Variants in KIFC2 observed in about 807,000 individuals in gnomAD.
The protein encoded by KIFC2 is kinesin-like protein KIFC2.
A neutral mutation model predicts 91.5 loss-of-function variants in KIFC2; 94 were observed. The ratio of observed to expected loss-of-function variants is 1.03; its 90% CI spans 0.87 to 1.22. The LOEUF (loss-of-function observed/expected upper bound fraction) is 1.22. Ranked by LOEUF, KIFC2 falls within the 50% of genes most tolerant of loss-of-function variation. The pLI is 0.00. For missense variants in KIFC2, 1,357 were observed against 1,103.3 expected, an observed-to-expected ratio of 1.23 and a Z score of -3.26; for synonymous variants, 729 against 503.9, an observed-to-expected ratio of 1.45 and a Z score of -5.98.
rs367718973 is a variant in KIFC2 at position 144,472,216 on chromosome 8, C to T, written c.1564C>T (p.Arg522Trp). The T allele has an allele frequency of 6.9e-5, 111 of 1,612,756 alleles. No individual in the cohort carries two copies. The highest frequency in any genetic ancestry group is 3.7e-4 in the African/African-American group (28 of 74,794). The change falls in exon 14 of 18, where the codon CGG (arginine) becomes TGG (tryptophan). Residue 522 changes from arginine (R) to tryptophan (W), a missense_variant. Transcript: ENST00000645548. ...FREMGAGRQH[R>W]VTLSMVEIYN... ...GGAGATGGGGGCCGGCCGGCAGCAC[C>T]GGGTGACACTCAGCATGGTGGAGAT...
At position 144,467,220 on chromosome 8, in the gene KIFC2, A is replaced by G. The variant is rs769989228; in HGVS notation, c.348A>G (p.Ser116=). The G allele has an allele frequency of 2.0e-5, 32 of 1,613,628 alleles. No individual in the cohort carries two copies. Among genetic ancestry groups the G allele is most frequent in the Non-Finnish European group, 2.6e-5 (31 of 1,180,014 alleles). ...ADLGQSGEVP[S]LLTVTSQLLA... ...CTTCGCAGTCTGGCGAGGTCCCCTC[A>G]CTGTTGACAGTGACCAGTCAGCTCT... Residue 116 remains serine, a synonymous_variant, in exon 4 of 18, where the codon TCA becomes TCG. Coordinates refer to ENST00000645548, the MANE Select transcript of KIFC2 (RefSeq NM_001369769.2).
chr8:144,471,847 T>C (rs939387742), intron 12 of KIFC2, 95 bp from the exon 13 acceptor site: 25 of 1,088,670 alleles, frequency 2.3e-5, no homozygotes, highest in Non-Finnish European at 3.4e-5. Context: ...TAGGCTCTGC[T>C]CACACCTGCC....
chr8:144,471,464 C>T (rs374979597), intron 12 of KIFC2, among the ~76,000 whole-genome samples: 2 of 152,118 alleles, frequency 1.3e-5, no homozygotes, highest in African/African-American at 2.4e-5. Context: ...ATGTGCAACA[C>T]CATGCCTGGC....
chr8:144,473,446 G>T lies in KIFC2; in HGVS notation c.*57G>T, dbSNP rs753268294. 3 of 1,521,444 alleles carry T rather than the reference G, an allele frequency of 2.0e-6. No homozygotes were observed. Among genetic ancestry groups the T allele is most frequent in the Non-Finnish European group, 2.6e-6 (3 of 1,138,780 alleles). 94.2% of individuals were successfully genotyped at this position (1,521,444 alleles called of 1,614,324 possible). On this transcript the variant is annotated 3_prime_UTR_variant, in exon 18 of 18. Transcript: ENST00000645548. ...AGGCCAGGTCTCTGCTGGCAGAGGC[G>T]GTAGTAAAGTCCCTGTACCCCGTCT...
rs1203184324 is a variant in KIFC2 at position 144,466,556 on chromosome 8, C to A, written c.99+38C>A. 14 of 1,082,086 alleles carry A rather than the reference C, an allele frequency of 1.3e-5. No individual in the cohort carries two copies. The African/African-American group carries it at 2.0e-4, about 16-fold the overall frequency. The allele number at this position is 1,082,086 out of a possible 1,614,324, so 67.0% of individuals were successfully genotyped here. A position where few individuals can be genotyped will look rare whatever the true frequency, so the allele number is the denominator to read the frequency against. Reference sequence around the variant, plus strand: ...GGCCGTGCAGCCCGTCGTCTCCCGCCGCCTGCCCCACCCCCACGCCGAGGT... The same window carrying A: ...GGCCGTGCAGCCCGTCGTCTCCCGCAGCCTGCCCCACCCCCACGCCGAGGT... On this transcript the variant is annotated intron_variant, in intron 1 of 17. Coordinates refer to ENST00000645548, the MANE Select transcript of KIFC2 (RefSeq NM_001369769.2).
At position 144,468,538 on chromosome 8, in the gene KIFC2, G is replaced by T. The variant is rs770198700; in HGVS notation, c.891G>T (p.Leu297=). ...AGGGGTGGGGTTGGGCGGGGCAGCT[G>T]GGGGTGCAGGAGGTGCAGCTGCAGG... ...QDTTEALRAQ[L]GVQEVQLQGL... is the part of the protein sequence containing the mutation. The change falls in exon 9 of 18, where the codon CTG becomes CTT. Residue 297 remains leucine, a splice_region_variant and synonymous_variant. Transcript: ENST00000645548. The T allele has an allele frequency of 3.2e-6, 5 of 1,573,356 alleles. No homozygotes were observed. In the African/African-American group the frequency reaches 6.7e-5, roughly 21 times the overall value.
At chr8:144,466,668 T>C (rs1042262073) in intron 1 of KIFC2, 92 bp from the exon 2 acceptor site, 17 of 1,155,812 alleles carry the variant, frequency 1.5e-5, no homozygotes, top group Non-Finnish European at 1.7e-5. Flanking sequence ...AAGCGTAGAC[T>C]TCGGCCCCAA....
chr8:144,467,431 G>C lies in KIFC2; in HGVS notation c.470-54G>C. 3.9e-6 allele frequency: 6 copies of C among 1,538,554 alleles called. No homozygotes were observed. The South Asian group carries it at 6.4e-5, about 16-fold the overall frequency. The stretch of plus-strand genomic sequence containing the variant: ...GGCCTGGAGTTCGGGGTCATGTTCC[G>C]GAAGATTTGGACTAGAGACCTCTTC... On this transcript the variant is annotated intron_variant, in intron 4 of 17. Transcript: ENST00000645548.
Position 144,468,537 on chromosome 8 carries a change from T to G in KIFC2, c.890T>G (p.Leu297Arg). The stretch of plus-strand genomic sequence containing the variant: ...CAGGGGTGGGGTTGGGCGGGGCAGC[T>G]GGGGGTGCAGGAGGTGCAGCTGCAG... ...QDTTEALRAQ[L>R]GVQEVQLQGL... The change falls in exon 9 of 18, where the codon CTG becomes CGG. Residue 297 changes from leucine to arginine, a missense_variant and splice_region_variant. Leu to Arg is a moderately radical substitution (Grantham distance 102). Transcript: ENST00000645548. 1 of 1,570,978 alleles carries G rather than the reference T, an allele frequency of 6.4e-7. No individual in the cohort carries two copies. The highest frequency in any genetic ancestry group is 1.4e-5 in the African/African-American group (1 of 73,982).
intron 10 of KIFC2, 52 bp downstream of exon 10, chr8:144,468,886 T>G (rs779744809): frequency 6.7e-7 from 1 of 1,485,558 alleles, no homozygotes; most frequent in Admixed American, 1.7e-5. Flanking sequence ...CTATTCACTG[T>G]TCTTTTGACG....
At chr8:144,469,214 C>A in intron 10 of KIFC2, 57 bp from the exon 11 acceptor site, 2 of 1,414,168 alleles carry the variant, frequency 1.4e-6, no homozygotes, top group East Asian at 2.5e-5. Context: ...CTCCCACCCC[C>A]CACCTCCGCA....
In KIFC2 at chr8:144,468,374, G is replaced by C. The variant is rs1192518469; in HGVS notation, c.856G>C (p.Ala286Pro). The C allele has an allele frequency of 6.2e-7, 1 of 1,612,990 alleles. No individual in the cohort carries two copies. The highest frequency in any genetic ancestry group is 2.2e-5 in the East Asian group (1 of 44,874). ...AGAGCTCCAGGGCCGGCTTCAGGAG[G>C]CCCAAGACACCACAGAAGCCCTCCG... ...LLELQGRLQE[A>P]QDTTEALRAQ... Residue 286 changes from alanine to proline, a missense_variant, in exon 8 of 18, where the codon GCC becomes CCC. Ala to Pro is a conservative substitution (Grantham distance 27, BLOSUM62 -1). Coordinates refer to ENST00000645548, the MANE Select transcript of KIFC2 (RefSeq NM_001369769.2).
At position 144,466,982 on chromosome 8, in the gene KIFC2, TCGGAAGGCGCAGCCGAGGGC is replaced by T. The variant is rs1383136533; in HGVS notation, c.205_224del (p.Glu69ArgfsTer104). On this transcript the variant is annotated frameshift_variant, in exon 3 of 18. Coordinates refer to ENST00000645548, the MANE Select transcript of KIFC2 (RefSeq NM_001369769.2). LOFTEE classifies it high-confidence loss of function. ...AGCCAGCTCCGAGCCTGAGGATGGGTCGGAAGGCGCAGCCGAGGGCCGCGCGGCCGCGGTGTCCCTGGAAG... is the reference window on the plus strand; with the variant it reads ...AGCCAGCTCCGAGCCTGAGGATGGGTCGCGCGGCCGCGGTGTCCCTGGAAG... 1.3e-6 allele frequency: 2 copies of T among 1,595,958 alleles called. No homozygotes were observed. Among genetic ancestry groups the T allele is most frequent in the Non-Finnish European group, 1.7e-6 (2 of 1,176,598 alleles).
chr8:144,466,053 G>A (rs1350928191), upstream of KIFC2: 2 of 149,208 alleles, frequency 1.3e-5, no homozygotes, highest in Admixed American at 6.7e-5. Context: ...GGGGCTGTAG[G>A]GAGAGGAAGG....
In KIFC2 at chr8:144,472,263, G is replaced by A; in HGVS notation, c.1607+4G>A. 1.9e-6 allele frequency: 3 copies of A among 1,613,254 alleles called. No individual in the cohort carries two copies. Among genetic ancestry groups the A allele is most frequent in the Non-Finnish European group, 1.7e-6 (2 of 1,179,960 alleles). ...AGATCTACAATGAGGCTGTCAGGTG[G>A]GCTACTCCACCAGGGAGGCCTTCTC... is the stretch of plus-strand genomic sequence containing the variant. On this transcript the variant is annotated splice_donor_region_variant and intron_variant, in intron 14 of 17. Coordinates refer to ENST00000645548, the MANE Select transcript of KIFC2 (RefSeq NM_001369769.2).
rs746872676 is a variant in KIFC2, at chr8:144,472,633, C to T, written c.1788C>T (p.Arg596=). 23 of 1,603,262 alleles carry T rather than the reference C, an allele frequency of 1.4e-5. No individual in the cohort carries two copies. The highest frequency in any genetic ancestry group is 1.1e-4 in the East Asian group (5 of 44,878). ...CCGCCGCCACCGCCATGAACCAGCG[C>T]AGCTCCCGCTCGCATGCCCTGGTCA... The part of the protein sequence containing the change: ...RATAATAMNQ[R]SSRSHALVTL... The change falls in exon 16 of 18, where the codon CGC becomes CGT. Residue 596 remains arginine (R), a synonymous_variant. Transcript: ENST00000645548.
rs373616086 is a variant in KIFC2, at chr8:144,472,671, G to A, written c.1826G>A (p.Arg609His). ...CATGCCCTGGTCACGCTGACGCTGC[G>A]CGCGGCGTCTCCACCGCGCGCTCCA... ...RSHALVTLTLRAASPPRAPGT... is the reference protein window; with the variant it reads ...RSHALVTLTLHAASPPRAPGT... Residue 609 changes from arginine to histidine, a missense_variant, in exon 16 of 18, where the codon CGC becomes CAC. Coordinates refer to ENST00000645548, the MANE Select transcript of KIFC2 (RefSeq NM_001369769.2). 8.1e-6 allele frequency: 13 copies of A among 1,596,784 alleles called. No homozygotes were observed. Among genetic ancestry groups the A allele is most frequent in the Non-Finnish European group, 1.0e-5 (12 of 1,178,420 alleles).
Position 144,467,018 on chromosome 8 carries a change from T to A in KIFC2, c.238T>A (p.Ser80Thr). 6.3e-7 allele frequency: 1 copy of A among 1,596,882 alleles called. No homozygotes were observed. The highest frequency in any genetic ancestry group is 1.1e-5 in the South Asian group (1 of 89,646). ...AGCCGAGGGCCGCGCGGCCGCGGTG[T>A]CCCTGGAAGAGGCCCTACTGCGCCT... The part of the protein sequence containing the change: ...GAAEGRAAAV[S>T]LEEALLRLAE... The change falls in exon 3 of 18, where the codon TCC (serine) becomes ACC (threonine). Residue 80 changes from serine to threonine, a missense_variant. Ser to Thr is a moderately conservative substitution (Grantham distance 58, BLOSUM62 1). Coordinates refer to ENST00000645548, the MANE Select transcript of KIFC2 (RefSeq NM_001369769.2).
Position 144,473,465 on chromosome 8 carries a change from C to T in KIFC2, c.*76C>T, listed in dbSNP as rs1200293299. ...AGAGGCGGTAGTAAAGTCCCTGTAC[C>T]CCGTCTCCCAGGGCACAAGCTCCCT... On this transcript the variant is annotated 3_prime_UTR_variant, in exon 18 of 18. Coordinates refer to ENST00000645548, the MANE Select transcript of KIFC2 (RefSeq NM_001369769.2). The T allele has an allele frequency of 1.4e-6, 2 of 1,471,648 alleles. No homozygotes were observed. The highest frequency in any genetic ancestry group is 1.4e-5 in the African/African-American group (1 of 70,586). 91.2% of individuals were successfully genotyped at this position (1,471,648 alleles called of 1,614,324 possible).
Sources: allele counts gnomAD v4.1 joint callset (sites outside exome capture counted in the v4.1 genomes callset), GRCh38; gene constraint gnomAD v4.1.1; transcripts MANE v1.5; gene names NCBI Gene and HGNC (gene_info 2026-07-23, HGNC 2026-07-21).